Variants in LINGO2 observed in about 807,000 individuals in gnomAD.
LINGO2 encodes the protein leucine rich repeat and Ig domain containing 2.
A neutral mutation model predicts 30.6 loss-of-function variants in LINGO2; 14 were observed. That is an observed-to-expected ratio of 0.46 (90% CI 0.30 to 0.72). LINGO2 has a LOEUF of 0.72. LINGO2 is among the 30% of genes least tolerant of loss of function. LINGO2 has a pLI of 0.07. For synonymous variants in LINGO2, 317 were observed against 288.5 expected (o/e 1.10, Z -1.00); for missense variants, 729 against 751.7 (o/e 0.97, Z 0.35).
chr9:28,561,277 G>C (rs1823043218), intron 1 of LINGO2, among the ~76,000 whole-genome samples: 1 of 151,708 alleles, frequency 6.6e-6, no homozygotes, highest in Non-Finnish European at 1.5e-5. Flanking sequence ...ATTGGATAGA[G>C]TTACCGTTAA....
chr9:28,553,988 G>C (rs984401602), intron 1 of LINGO2, among the ~76,000 whole-genome samples: 1 of 152,018 alleles, frequency 6.6e-6, no homozygotes, highest in African/African-American at 2.4e-5. Flanking sequence ...TAAAAGAGCT[G>C]CTGAAGGAAG....
chr9:28,860,697 C>T, the LINGO2 span, among the ~76,000 whole-genome samples: 1 of 144,552 alleles, frequency 6.9e-6, no homozygotes, highest in Admixed American at 7.2e-5. Context: ...TATATATATG[C>T]ATAATCCACT....
intron 1 of LINGO2, among the ~76,000 whole-genome samples, chr9:28,636,336 C>T (rs1026273010): frequency 2.0e-5 from 3 of 152,112 alleles, no homozygotes; most frequent in African/African-American, 7.2e-5. Flanking sequence ...TGGGTATATA[C>T]CCAGTAATGG....
At chr9:29,062,621 A>G in the LINGO2 span, among the ~76,000 whole-genome samples, 1 of 152,162 alleles carries the variant, frequency 6.6e-6, no homozygotes, top group Non-Finnish European at 1.5e-5. Context: ...CTTACATGAG[A>G]TGCCTAGAGT....
chr9:28,419,898 A>G (rs1359372281), intron 2 of LINGO2, among the ~76,000 whole-genome samples: 3 of 152,066 alleles, frequency 2.0e-5, no homozygotes, highest in Non-Finnish European at 4.4e-5. Context: ...GGCTGCCAAT[A>G]TAAAAGGTTG....
At chr9:28,276,377 T>C (rs1181513702) in intron 4 of LINGO2, among the ~76,000 whole-genome samples, 1 of 152,156 alleles carries the variant, frequency 6.6e-6, no homozygotes, top group East Asian at 1.9e-4. Flanking sequence ...CATCTATTCT[T>C]ATTAATCTAA....
At chr9:27,964,543 T>C (rs1820004431) in intron 5 of LINGO2, among the ~76,000 whole-genome samples, 1 of 152,118 alleles carries the variant, frequency 6.6e-6, no homozygotes, top group Non-Finnish European at 1.5e-5. Flanking sequence ...CGATATAAAA[T>C]GGGCATACAA....
At chr9:28,893,179 C>T in the LINGO2 span, among the ~76,000 whole-genome samples, 2 of 151,918 alleles carry the variant, frequency 1.3e-5, no homozygotes, top group Middle Eastern at 3.4e-3. Flanking sequence ...CATTAATCTC[C>T]CAGAATGTTT....
chr9:28,349,345 G>T (rs1466916303), intron 3 of LINGO2, among the ~76,000 whole-genome samples: 1 of 142,258 alleles, frequency 7.0e-6, no homozygotes, highest in Non-Finnish European at 1.5e-5. Flanking sequence ...AGAACTACGT[G>T]AAGAATGCAG....
chr9:28,858,969 T>C, the LINGO2 span, among the ~76,000 whole-genome samples: 1 of 55,560 alleles, frequency 1.8e-5, no homozygotes, highest in African/African-American at 7.5e-5. Flanking sequence ...TGCAGGCAGA[T>C]CGTTATGTCA....
chr9:28,177,177 A>C (rs1828773502), intron 4 of LINGO2, among the ~76,000 whole-genome samples: 1 of 152,190 alleles, frequency 6.6e-6, no homozygotes, highest in Admixed American at 6.5e-5. Flanking sequence ...TTTTCCTACT[A>C]TGCTGTACAT....
the LINGO2 span, among the ~76,000 whole-genome samples, chr9:28,787,551 A>G: frequency 6.6e-6 from 1 of 152,176 alleles, no homozygotes; most frequent in Admixed American, 6.5e-5. Flanking sequence ...CAAAAAATCT[A>G]GAACAATAAA....
At chr9:29,060,825 T>C in the LINGO2 span, among the ~76,000 whole-genome samples, 1 of 151,652 alleles carries the variant, frequency 6.6e-6, no homozygotes, top group Non-Finnish European at 1.5e-5. Context: ...AGAAATCAAC[T>C]GTAATTACCC....
chr9:28,034,983 C>T (rs1375237576), intron 4 of LINGO2, among the ~76,000 whole-genome samples: 3 of 152,170 alleles, frequency 2.0e-5, no homozygotes, highest in Non-Finnish European at 4.4e-5. Flanking sequence ...AAGTATCTAT[C>T]ACTGTGTCTT....
chr9:29,144,536 G>GT, the LINGO2 span, among the ~76,000 whole-genome samples: 1 of 152,112 alleles, frequency 6.6e-6, no homozygotes, highest in Non-Finnish European at 1.5e-5. Context: ...AACCAGTTGA[G>GT]TAACAGCCTG....
In LINGO2 at chr9:28,402,466, T is replaced by C. The variant is rs146184333; in HGVS notation, c.-278-29598A>G. 2.0e-3 allele frequency among the ~76,000 whole-genome samples: 305 copies of C among 152,184 alleles called. 1 individual carries two copies. Among genetic ancestry groups the C allele is most frequent in the African/African-American group, 7.0e-3 (290 of 41,512 alleles). Reference sequence around the variant, plus strand: ...GTCAAAAAACAGCGAATGACAAGTATAACAAAAATCATCAATGATTTTACA... The same window carrying C: ...GTCAAAAAACAGCGAATGACAAGTACAACAAAAATCATCAATGATTTTACA... On this transcript the variant is annotated intron_variant, in intron 2 of 5. Transcript: ENST00000379992.
the LINGO2 span, among the ~76,000 whole-genome samples, chr9:28,736,879 G>T: frequency 1.2e-4 from 19 of 152,270 alleles, no homozygotes; most frequent in African/African-American, 4.3e-4. Flanking sequence ...ACATTATTCA[G>T]ATTAGATAGC....
chr9:28,632,819 A>G (rs1218505695), intron 1 of LINGO2, among the ~76,000 whole-genome samples: 1 of 105,446 alleles, frequency 9.5e-6, no homozygotes, highest in East Asian at 2.8e-4. Context: ...TGATCTATAT[A>G]TATTATATAT....
the LINGO2 span, among the ~76,000 whole-genome samples, chr9:29,004,701 A>T: frequency 6.6e-6 from 1 of 152,010 alleles, no homozygotes; most frequent in African/African-American, 2.4e-5. Context: ...CAGCAATTCC[A>T]GGCAGTTACT....
Sources: gnomAD v4.1 joint callset for allele counts (sites outside exome capture counted in the v4.1 genomes callset) on GRCh38, gnomAD v4.1.1 for gene constraint, MANE v1.5 for transcripts, NCBI Gene and HGNC (gene_info 2026-07-23, HGNC 2026-07-21) for gene names.